UNC5C: variants seen among roughly 807,000 people sequenced by gnomAD.
The protein encoded by UNC5C is unc-5 netrin receptor C, also known as netrin receptor UNC5C.
A neutral mutation model predicts 99.8 loss-of-function variants in UNC5C; 47 were observed. The observed-to-expected ratio is 0.47, with a 90% CI of 0.37 to 0.60. The LOEUF (loss-of-function observed/expected upper bound fraction) is 0.60. UNC5C is among the 20% of genes least tolerant of loss of function. The pLI, the probability that UNC5C is intolerant of heterozygous loss-of-function variation, is 0.00. For synonymous variants in UNC5C, 487 were observed against 452.2 expected, an observed-to-expected ratio of 1.08 and a Z score of -0.98; for missense variants, 1,062 against 1,165.9, an observed-to-expected ratio of 0.91 and a Z score of 1.30.
chr4:95,244,998 C>A lies in UNC5C; in HGVS notation c.922G>T (p.Ala308Ser), dbSNP rs1207084026. Residue 308 changes from alanine to serine, a missense_variant, in exon 6 of 16, where the codon GCC becomes TCC. By Grantham distance (99) the Ala-to-Ser change is moderately conservative (BLOSUM62 1). Coordinates refer to ENST00000453304, the MANE Select transcript of UNC5C (RefSeq NM_003728.4). ...TTACCTGGGCATAACGTAGTACAGG[C>A]TATTTTCTGCACACTCTGCCCTTCA... ...FCEGQSVQKI[A>S]CTTLCPVDGR... 6.2e-7 allele frequency: 1 copy of A among 1,613,956 alleles called. No homozygotes were observed. The highest frequency in any genetic ancestry group is 8.5e-7 in the Non-Finnish European group (1 of 1,179,980).
At chr4:95,257,707 C>T (rs1740058498) in intron 4 of UNC5C, among the ~76,000 whole-genome samples, 1 of 152,160 alleles carries the variant, frequency 6.6e-6, no homozygotes, top group South Asian at 2.1e-4. Context: ...GCTAAAAATT[C>T]CCATTATTTC....
At chr4:95,292,186 T>C (rs975201174) in intron 3 of UNC5C, among the ~76,000 whole-genome samples, 7 of 148,242 alleles carry the variant, frequency 4.7e-5, no homozygotes, top group East Asian at 2.0e-4. Context: ...TGAGATTACA[T>C]ATATATATAC....
intron 1 of UNC5C, among the ~76,000 whole-genome samples, chr4:95,520,847 G>A (rs1336699623): frequency 2.0e-5 from 3 of 151,858 alleles, no homozygotes; most frequent in Admixed American, 2.0e-4. Flanking sequence ...TGATCCACCC[G>A]CCTCGGCCCC....
chr4:95,352,583 C>T (rs1186032992), intron 1 of UNC5C, among the ~76,000 whole-genome samples: 1 of 152,086 alleles, frequency 6.6e-6, no homozygotes, highest in Non-Finnish European at 1.5e-5. Flanking sequence ...CCATTTTGTT[C>T]AACACTTGAC....
At chr4:95,329,194 T>C (rs1743018408) in intron 2 of UNC5C, among the ~76,000 whole-genome samples, 1 of 151,956 alleles carries the variant, frequency 6.6e-6, no homozygotes, top group Admixed American at 6.6e-5. Flanking sequence ...GAGGCTGAGG[T>C]GGGAGGATCA....
At position 95,256,330 on chromosome 4, in the gene UNC5C, C is replaced by T. The variant is rs1419907074; in HGVS notation, c.595-5663G>A. 3.3e-5 allele frequency among the ~76,000 whole-genome samples: 5 copies of T among 152,244 alleles called. No individual in the cohort carries two copies. In the East Asian group the frequency reaches 9.7e-4, roughly 30 times the overall value. ...GTCTGATAATGACCTCCTGAACCGC[C>T]TTTCCAAACCTGCTCCTCTCACAGT... On this transcript the variant is annotated intron_variant, in intron 4 of 15. Coordinates refer to ENST00000453304, the MANE Select transcript of UNC5C (RefSeq NM_003728.4).
intron 7 of UNC5C, among the ~76,000 whole-genome samples, chr4:95,241,846 G>A (rs1159775869): frequency 6.6e-6 from 1 of 151,946 alleles, no homozygotes; most frequent in East Asian, 1.9e-4. Context: ...GCCAATCTTC[G>A]GCACTCATTT....
intron 1 of UNC5C, among the ~76,000 whole-genome samples, chr4:95,348,130 C>G (rs1358092162): frequency 6.6e-6 from 1 of 151,998 alleles, no homozygotes; most frequent in Admixed American, 6.6e-5. Context: ...AGAAGACACA[C>G]AAACGGCAAG....
intron 1 of UNC5C, among the ~76,000 whole-genome samples, chr4:95,395,078 T>G (rs953016671): frequency 1.3e-5 from 2 of 152,142 alleles, no homozygotes; most frequent in Non-Finnish European, 2.9e-5. Context: ...AGGAGGGAAA[T>G]GATATGGTGG....
intron 1 of UNC5C, among the ~76,000 whole-genome samples, chr4:95,422,824 C>T (rs950018471): frequency 2.6e-5 from 4 of 152,120 alleles, no homozygotes; most frequent in African/African-American, 7.2e-5. Context: ...TGCGTATTTG[C>T]ACACACATGT....
intron 1 of UNC5C, among the ~76,000 whole-genome samples, chr4:95,380,583 T>C (rs1198980815): frequency 6.6e-6 from 1 of 151,926 alleles, no homozygotes; most frequent in Non-Finnish European, 1.5e-5. Flanking sequence ...GCCTACAAAC[T>C]ATTTTTAACA....
intron 7 of UNC5C, chr4:95,222,195 A>G: frequency 6.7e-7 from 1 of 1,488,092 alleles, no homozygotes; most frequent in Middle Eastern, 1.7e-4. Context: ...CATAAAATCC[A>G]AACATCAAAC....
At chr4:95,183,542 C>T (rs977388153) in intron 13 of UNC5C, among the ~76,000 whole-genome samples, 8 of 152,160 alleles carry the variant, frequency 5.3e-5, no homozygotes, top group African/African-American at 1.9e-4. Flanking sequence ...ACATCCTCCT[C>T]TGCCCAGGAC....
intron 1 of UNC5C, among the ~76,000 whole-genome samples, chr4:95,474,997 T>C (rs1748097935): frequency 6.6e-6 from 1 of 152,076 alleles, no homozygotes; most frequent in Non-Finnish European, 1.5e-5. Context: ...ATCAAGCACG[T>C]TTATATTGAT....
At chr4:95,248,650 GC>G (rs1346542907) in intron 5 of UNC5C, 3 of 442,838 alleles carry the variant, frequency 6.8e-6, no homozygotes, top group African/African-American at 6.1e-5. Flanking sequence ...ATGCCAAGTG[GC>G]ATATTTTGGG....
intron 4 of UNC5C, among the ~76,000 whole-genome samples, chr4:95,253,894 C>T (rs1302125701): frequency 6.6e-6 from 1 of 152,180 alleles, no homozygotes; most frequent in Non-Finnish European, 1.5e-5. Context: ...TTCCATACCG[C>T]CTGGAAGACA....
intron 1 of UNC5C, among the ~76,000 whole-genome samples, chr4:95,469,664 T>A (rs1429007021): frequency 6.6e-6 from 1 of 152,166 alleles, no homozygotes; most frequent in African/African-American, 2.4e-5. Flanking sequence ...CTATGGTATA[T>A]ATCATGCAAG....
At chr4:95,236,740 C>T (rs766817240) in intron 7 of UNC5C, among the ~76,000 whole-genome samples, 45 of 152,090 alleles carry the variant, frequency 3.0e-4, no homozygotes, top group Non-Finnish European at 6.5e-4. Flanking sequence ...ATATATAAAT[C>T]CATATTCTGC....
chr4:95,307,417 C>T (rs1044005291), intron 2 of UNC5C, among the ~76,000 whole-genome samples: 1 of 152,046 alleles, frequency 6.6e-6, no homozygotes, highest in African/African-American at 2.4e-5. Context: ...AGAAACGCAA[C>T]ACTTACAGAG....
Sources: allele counts gnomAD v4.1 joint callset (sites outside exome capture counted in the v4.1 genomes callset), GRCh38; gene constraint gnomAD v4.1.1; transcripts MANE v1.5; gene names NCBI Gene and HGNC (gene_info 2026-07-23, HGNC 2026-07-21).